The following TMTC2 variants were observed in gnomAD, a reference collection of about 807,000 sequenced individuals.
The protein encoded by TMTC2 is protein O-mannosyl-transferase TMTC2.
A neutral mutation model predicts 82.4 loss-of-function variants in TMTC2; 43 were observed. The ratio of observed to expected loss-of-function variants is 0.52; its 90% CI spans 0.41 to 0.67. The LOEUF is 0.67. Among genes scored for constraint, TMTC2 ranks in the 30% least tolerant of loss-of-function variants. The pLI is 0.00. For missense variants in TMTC2, 919 were observed against 1,012.4 expected (o/e 0.91, Z 1.25); for synonymous variants, 408 against 381.9 (o/e 1.07, Z -0.80).
intron 1 of TMTC2, among the ~76,000 whole-genome samples, chr12:82,709,836 T>A (rs969649269): frequency 6.6e-6 from 1 of 152,234 alleles, no homozygotes; most frequent in Non-Finnish European, 1.5e-5. Context: ...TTCATGCATT[T>A]CTATGCAATT....
intron 9 of TMTC2, among the ~76,000 whole-genome samples, chr12:83,034,657 ATTGT>A (rs760868423): frequency 2.0e-5 from 3 of 152,204 alleles, no homozygotes; most frequent in Non-Finnish European, 2.9e-5. Context: ...TTATACTGAA[ATTGT>A]TTGTTTACTT....
chr12:83,126,005 CCT>C (rs1164136764), intron 11 of TMTC2, among the ~76,000 whole-genome samples: 1 of 152,008 alleles, frequency 6.6e-6, no homozygotes, highest in Non-Finnish European at 1.5e-5. Flanking sequence ...TGATGGCAGC[CCT>C]CTTTTAAAGA....
At chr12:82,822,551 G>A (rs894678622) in intron 1 of TMTC2, among the ~76,000 whole-genome samples, 2 of 152,062 alleles carry the variant, frequency 1.3e-5, no homozygotes, top group South Asian at 4.1e-4. Flanking sequence ...CAAAGATTGA[G>A]GGCTTTATGA....
At chr12:82,844,497 T>C (rs1870521068) in intron 1 of TMTC2, among the ~76,000 whole-genome samples, 1 of 152,132 alleles carries the variant, frequency 6.6e-6, no homozygotes, top group South Asian at 2.1e-4. Context: ...AGTTACGTTC[T>C]CTCTTTTAGA....
chr12:82,789,478 G>C (rs1185782661), intron 1 of TMTC2, among the ~76,000 whole-genome samples: 1 of 152,080 alleles, frequency 6.6e-6, no homozygotes, highest in Non-Finnish European at 1.5e-5. Context: ...ATGAACAATG[G>C]AAAGATTCAT....
In TMTC2 at chr12:82,786,799, C is replaced by T. The variant is rs116879717; in HGVS notation, c.84-70211C>T. 1.7e-4 allele frequency among the ~76,000 whole-genome samples: 26 copies of T among 152,144 alleles called. 2 individuals are homozygous for T. The East Asian group carries it at 4.6e-3, about 27-fold the overall frequency. ...AGTCTTTGTTGGGGTACTGTGAAGT[C>T]GGAACCACTCCATGTACTAGGGATC... is the stretch of plus-strand genomic sequence containing the variant. On this transcript the variant is annotated intron_variant, in intron 1 of 11. Coordinates refer to ENST00000321196, the MANE Select transcript of TMTC2 (RefSeq NM_152588.3).
intron 1 of TMTC2, among the ~76,000 whole-genome samples, chr12:82,855,713 C>G (rs1871231818): frequency 6.6e-6 from 1 of 152,216 alleles, no homozygotes; most frequent in African/African-American, 2.4e-5. Context: ...TTTAATGCCA[C>G]ATTCAATGTT....
chr12:82,771,054 A>T (rs2136995170), intron 1 of TMTC2, among the ~76,000 whole-genome samples: 1 of 152,184 alleles, frequency 6.6e-6, no homozygotes, highest in East Asian at 1.9e-4. Flanking sequence ...TAAAAATACA[A>T]AAATTAGCCA....
chr12:83,003,001 C>T (rs1391543297), intron 8 of TMTC2, among the ~76,000 whole-genome samples: 1 of 151,992 alleles, frequency 6.6e-6, no homozygotes, highest in Non-Finnish European at 1.5e-5. Context: ...ATCTGTCTAA[C>T]GCTGTCAGTG....
chr12:82,863,106 T>C (rs1385163616), intron 2 of TMTC2, among the ~76,000 whole-genome samples: 3 of 152,204 alleles, frequency 2.0e-5, no homozygotes, highest in Non-Finnish European at 4.4e-5. Context: ...TTATCATTTA[T>C]GGCATTGTCC....
At chr12:82,941,839 A>C (rs536490364) in intron 4 of TMTC2, among the ~76,000 whole-genome samples, 1 of 152,290 alleles carries the variant, frequency 6.6e-6, no homozygotes, top group South Asian at 2.1e-4. Context: ...GGCTCACTGC[A>C]ACCTCTGCCT....
At chr12:82,908,043 C>T (rs573841982) in intron 3 of TMTC2, among the ~76,000 whole-genome samples, 2 of 152,124 alleles carry the variant, frequency 1.3e-5, no homozygotes, top group African/African-American at 2.4e-5. Flanking sequence ...ACCCAGGGGG[C>T]GGAGGTTGCA....
chr12:82,906,860 A>G (rs1047081260), intron 3 of TMTC2, among the ~76,000 whole-genome samples: 2 of 152,104 alleles, frequency 1.3e-5, no homozygotes, highest in Non-Finnish European at 2.9e-5. Flanking sequence ...AAAGCATCCC[A>G]CCAATAAAGG....
Position 82,965,628 on chromosome 12 carries a change from T to C in TMTC2, c.1753T>C (p.Leu585=), listed in dbSNP as rs2137303973. Residue 585 remains leucine, a synonymous_variant, in exon 6 of 12, where the codon TTA becomes CTA. Coordinates refer to ENST00000321196, the MANE Select transcript of TMTC2 (RefSeq NM_152588.3). ...GACGGAAGAAGCCCGACGGACATTC[T>C]TAAAGTGTTCGGAGATCCCAGATGA... The part of the protein sequence containing the change: ...GRTEEARRTF[L]KCSEIPDENL... 1 of 1,613,872 alleles carries C rather than the reference T, an allele frequency of 6.2e-7. No individual in the cohort carries two copies. Among genetic ancestry groups the C allele is most frequent in the East Asian group, 2.2e-5 (1 of 44,878 alleles).
chr12:82,805,902 T>C (rs1879221461), intron 1 of TMTC2, among the ~76,000 whole-genome samples: 1 of 152,138 alleles, frequency 6.6e-6, no homozygotes, highest in Non-Finnish European at 1.5e-5. Flanking sequence ...ACCAAGTCTT[T>C]ATTGAACATC....
intron 1 of TMTC2, among the ~76,000 whole-genome samples, chr12:82,796,206 T>C (rs978833390): frequency 2.2e-4 from 33 of 152,156 alleles, no homozygotes; most frequent in African/African-American, 8.0e-4. Context: ...ACGACCTGGC[T>C]GAATTCATTG....
At chr12:82,831,351 A>C (rs896356679) in intron 1 of TMTC2, among the ~76,000 whole-genome samples, 1 of 152,206 alleles carries the variant, frequency 6.6e-6, no homozygotes, top group Admixed American at 6.5e-5. Flanking sequence ...GGTCACCCAA[A>C]ATGGGAAGGG....
At chr12:82,845,065 T>TAA (rs1870563865) in intron 1 of TMTC2, among the ~76,000 whole-genome samples, 1 of 147,068 alleles carries the variant, frequency 6.8e-6, no homozygotes, top group Admixed American at 6.8e-5. Context: ...CCATTTCTAC[T>TAA]AAAAATACAA....
chr12:83,063,067 G>C (rs1882798740), intron 11 of TMTC2, among the ~76,000 whole-genome samples: 1 of 151,856 alleles, frequency 6.6e-6, no homozygotes, highest in Non-Finnish European at 1.5e-5. Flanking sequence ...CTTCAGAAAT[G>C]ATGACCCAGG....
Sources: gnomAD v4.1 joint callset for allele counts (sites outside exome capture counted in the v4.1 genomes callset) on GRCh38, gnomAD v4.1.1 for gene constraint, MANE v1.5 for transcripts, NCBI Gene and HGNC (gene_info 2026-07-23, HGNC 2026-07-21) for gene names.